The following IL15 variants were observed in gnomAD, a reference collection of about 807,000 sequenced individuals.
IL15 encodes interleukin 15.
In IL15, 11 loss-of-function variants were observed where a neutral mutation model predicts 19.6. The observed-to-expected ratio is 0.56, with a 90% CI of 0.35 to 0.93. IL15 has a LOEUF of 0.93. IL15 is among the 40% of genes least tolerant of loss of function. The probability of loss-of-function intolerance (pLI) is 0.01; values close to 1 mark genes in which losing one functional copy is unlikely to be tolerated. For synonymous variants in IL15, 58 were observed against 59.6 expected, an observed-to-expected ratio of 0.97 and a Z score of 0.12; for missense variants, 197 against 186.5, an observed-to-expected ratio of 1.06 and a Z score of -0.33.
intron 2 of IL15, among the ~76,000 whole-genome samples, chr4:141,700,943 A>G (rs983644591): frequency 6.6e-6 from 1 of 151,802 alleles, no homozygotes; most frequent in African/African-American, 2.4e-5. Context: ...TTGTATTTCC[A>G]TGGCATGTCT....
At chr4:141,690,725 A>G (rs1171891678) in intron 2 of IL15, among the ~76,000 whole-genome samples, 3 of 152,216 alleles carry the variant, frequency 2.0e-5, no homozygotes, top group African/African-American at 7.2e-5. Flanking sequence ...ATGCATGAAC[A>G]CAATGAACAG....
At chr4:141,659,557 A>C (rs1393621392) in intron 2 of IL15, among the ~76,000 whole-genome samples, 2 of 152,236 alleles carry the variant, frequency 1.3e-5, no homozygotes, top group Non-Finnish European at 2.9e-5. Flanking sequence ...GTTAAAAAAG[A>C]AGCAGGGGGA....
intron 1 of IL15, among the ~76,000 whole-genome samples, chr4:141,645,256 A>T (rs1727188333): frequency 6.6e-6 from 1 of 152,084 alleles, no homozygotes; most frequent in African/African-American, 2.4e-5. Flanking sequence ...TGCCATAGAA[A>T]CCCTTACCAT....
chr4:141,697,438 T>C (rs1181605976), intron 2 of IL15, among the ~76,000 whole-genome samples: 1 of 152,174 alleles, frequency 6.6e-6, no homozygotes, highest in African/African-American at 2.4e-5. Context: ...TGAAGTCAGA[T>C]AATGTGATGC....
chr4:141,700,372 T>C (rs1010979698), intron 2 of IL15, among the ~76,000 whole-genome samples: 1 of 152,188 alleles, frequency 6.6e-6, no homozygotes, highest in African/African-American at 2.4e-5. Context: ...CTCTCCTTCA[T>C]TTATGAAGCT....
chr4:141,706,598 G>A (rs1046477347), intron 2 of IL15, among the ~76,000 whole-genome samples: 2 of 152,032 alleles, frequency 1.3e-5, no homozygotes, highest in African/African-American at 4.8e-5. Context: ...TTTCTTGTAA[G>A]ATCAGTTAAG....
rs1349536855 is a variant in IL15 at position 141,733,058 on chromosome 4, T to C, written c.*210T>C. ...AGTGACTATGAACTTCTCTCAGACT[T>C]ACTTTACTCATTTTTTTAATTTATT... On this transcript the variant is annotated 3_prime_UTR_variant, in exon 8 of 8. Coordinates refer to ENST00000320650, the MANE Select transcript of IL15 (RefSeq NM_000585.5). The C allele has an allele frequency of 2.0e-6, 1 of 508,222 alleles. No individual in the cohort carries two copies. Among genetic ancestry groups the C allele is most frequent in the Non-Finnish European group, 3.0e-6 (1 of 330,690 alleles). The allele number at this position is 508,222 out of a possible 1,614,324, so 31.5% of individuals were successfully genotyped here.
At chr4:141,704,639 T>C in intron 2 of IL15, 1 of 343,110 alleles carries the variant, frequency 2.9e-6, no homozygotes. Context: ...TTTATATATT[T>C]GGTGGAATTC....
intron 5 of IL15, among the ~76,000 whole-genome samples, chr4:141,722,877 A>G (rs973405188): frequency 1.3e-5 from 2 of 152,210 alleles, no homozygotes; most frequent in Admixed American, 1.3e-4. Flanking sequence ...ATATAACTGA[A>G]ATATAAAGCA....
intron 2 of IL15, among the ~76,000 whole-genome samples, chr4:141,685,107 G>A (rs939720682): frequency 2.6e-5 from 4 of 152,074 alleles, no homozygotes; most frequent in East Asian, 1.9e-4. Flanking sequence ...TGTCATGTAC[G>A]TTGCGATGTT....
intron 7 of IL15, among the ~76,000 whole-genome samples, chr4:141,732,114 T>G (rs1163481977): frequency 3.9e-5 from 6 of 152,098 alleles, no homozygotes; most frequent in Non-Finnish European, 1.5e-5. Flanking sequence ...CATGACATAT[T>G]GTGAGAGAGG....
chr4:141,637,535 T>C (rs1445399311), intron 1 of IL15, among the ~76,000 whole-genome samples: 2 of 152,116 alleles, frequency 1.3e-5, no homozygotes, highest in Admixed American at 1.3e-4. Flanking sequence ...TTATTCAAGG[T>C]GGCTTTTAAA....
At chr4:141,732,667 T>C in intron 7 of IL15, 71 bp from the exon 8 acceptor site, 1 of 1,570,250 alleles carries the variant, frequency 6.4e-7, no homozygotes, top group South Asian at 1.2e-5. Context: ...CGATATGATA[T>C]TCCCATTCCC....
chr4:141,721,047 C>T, intron 4 of IL15: 3 of 844,730 alleles, frequency 3.6e-6, no homozygotes, highest in Admixed American at 5.5e-5. Context: ...TAACTTTTTT[C>T]TTCTCTCTTA....
chr4:141,711,445 A>G (rs933370110), intron 2 of IL15, among the ~76,000 whole-genome samples: 1 of 152,118 alleles, frequency 6.6e-6, no homozygotes, highest in Non-Finnish European at 1.5e-5. Flanking sequence ...TGCAGCTAAG[A>G]TGCTGATAGT....
At position 141,700,748 on chromosome 4, in the gene IL15, C is replaced by T. The variant is rs113912733; in HGVS notation, c.-99-18618C>T. 6.2e-3 allele frequency among the ~76,000 whole-genome samples: 942 copies of T among 152,296 alleles called. 18 individuals are homozygous for T. Among genetic ancestry groups the T allele is most frequent in the African/African-American group, 0.022 (912 of 41,574 alleles). On this transcript the variant is annotated intron_variant, in intron 2 of 7. Transcript: ENST00000320650. ...AACTTTTATACTTCTGTTCTCCATC[C>T]AGAGCACGATTTATTCTTAGGTTTG...
intron 2 of IL15, chr4:141,704,761 G>T (rs1729452203): frequency 6.2e-6 from 1 of 161,950 alleles, no homozygotes; most frequent in South Asian, 1.9e-4. Flanking sequence ...CTCATTATCA[G>T]TCTGTTCAGA....
At chr4:141,684,179 A>C (rs746830312) in intron 2 of IL15, among the ~76,000 whole-genome samples, 1 of 152,214 alleles carries the variant, frequency 6.6e-6, no homozygotes, top group Non-Finnish European at 1.5e-5. Context: ...GCATGTAATC[A>C]ACTATAAATT....
rs535022515 is a variant in IL15, at chr4:141,665,989, AAGAC to A, written c.-100+9685_-100+9688del. Reference sequence around the variant, plus strand: ...AACAGCTTTTAAGTAATAAAGGTGAAAGACAGCCTTTTGTCATAATGTTGGGGCT... The same window carrying A: ...AACAGCTTTTAAGTAATAAAGGTGAAAGCCTTTTGTCATAATGTTGGGGCT... On this transcript the variant is annotated intron_variant, in intron 2 of 7. Coordinates refer to ENST00000320650, the MANE Select transcript of IL15 (RefSeq NM_000585.5). Among the ~76,000 whole-genome samples the A allele has an allele frequency of 1.2e-3, 182 of 152,234 alleles. 1 individual carries two copies. Among genetic ancestry groups the A allele is most frequent in the African/African-American group, 4.2e-3 (173 of 41,580 alleles).
Sources: allele counts gnomAD v4.1 joint callset (sites outside exome capture counted in the v4.1 genomes callset), GRCh38; gene constraint gnomAD v4.1.1; transcripts MANE v1.5; gene names NCBI Gene and HGNC (gene_info 2026-07-23, HGNC 2026-07-21).